Variants in CCBE1 observed in about 807,000 individuals in gnomAD.
CCBE1 encodes collagen and calcium binding EGF domains 1.
A neutral mutation model predicts 50.0 loss-of-function variants in CCBE1; 37 were observed. The ratio of observed to expected loss-of-function variants is 0.74; its 90% CI spans 0.57 to 0.97. The LOEUF (loss-of-function observed/expected upper bound fraction) is 0.97. Ranked by LOEUF, CCBE1 falls within the 50% of genes least tolerant of loss-of-function variation. The pLI, the probability that CCBE1 is intolerant of heterozygous loss-of-function variation, is 0.00. For missense variants in CCBE1, 538 were observed against 523.8 expected, an observed-to-expected ratio of 1.03 and a Z score of -0.26; for synonymous variants, 234 against 203.7, an observed-to-expected ratio of 1.15 and a Z score of -1.27.
intron 2 of CCBE1, among the ~76,000 whole-genome samples, chr18:59,560,200 G>T (rs1013760125): frequency 2.6e-5 from 4 of 152,224 alleles, no homozygotes; most frequent in African/African-American, 9.6e-5. Context: ...AAGTGGATGT[G>T]CATGTAACCA....
intron 2 of CCBE1, among the ~76,000 whole-genome samples, chr18:59,608,085 A>C (rs1388336523): frequency 6.6e-6 from 1 of 152,148 alleles, no homozygotes; most frequent in East Asian, 1.9e-4. Flanking sequence ...GTGCCACTGC[A>C]CTCCAGCTTG....
chr18:59,587,340 A>G (rs1317086382), intron 2 of CCBE1, among the ~76,000 whole-genome samples: 1 of 152,228 alleles, frequency 6.6e-6, no homozygotes, highest in Non-Finnish European at 1.5e-5. Flanking sequence ...GTAACACTGA[A>G]AACAATAAAA....
In CCBE1 at chr18:59,508,711, C is replaced by CTTTTTTTTTTTTTTT. The variant is rs55881131; in HGVS notation, c.213-28488_213-28474dup. On this transcript the variant is annotated intron_variant, in intron 2 of 10. Transcript: ENST00000439986. Reference sequence around the variant, plus strand: ...AGCACAGTACACACATAGAGTTACGCTTTTTTTTTTTTTTTTTTTTTTGAG... The same window carrying CTTTTTTTTTTTTTTT: ...AGCACAGTACACACATAGAGTTACGCTTTTTTTTTTTTTTTTTTTTTTTTTTTTTTTTTTTTTGAG... Among the ~76,000 whole-genome samples, 5 of 95,682 alleles carry CTTTTTTTTTTTTTTT rather than the reference C, an allele frequency of 5.2e-5. 1 individual carries two copies. Among genetic ancestry groups the CTTTTTTTTTTTTTTT allele is most frequent in the African/African-American group, 1.8e-4 (4 of 22,050 alleles). 62.8% of individuals were successfully genotyped at this position (95,682 alleles called of 152,430 possible).
intron 2 of CCBE1, among the ~76,000 whole-genome samples, chr18:59,484,256 G>C (rs193273698): frequency 1.3e-5 from 2 of 152,298 alleles, no homozygotes; most frequent in Admixed American, 6.5e-5. Flanking sequence ...AAGTGTACTA[G>C]ATGATTTGAA....
intron 2 of CCBE1, among the ~76,000 whole-genome samples, chr18:59,557,501 C>T (rs1044401677): frequency 1.1e-4 from 17 of 152,166 alleles, no homozygotes; most frequent in Admixed American, 2.6e-4. Flanking sequence ...AGGGGCTACT[C>T]CCTTTGCAAT....
chr18:59,460,038 A>G (rs1343771870), intron 5 of CCBE1, among the ~76,000 whole-genome samples: 2 of 152,220 alleles, frequency 1.3e-5, no homozygotes. Context: ...GCTAATTACT[A>G]TTGGAGCCAA....
chr18:59,517,022 T>C (rs1433586731), intron 2 of CCBE1, among the ~76,000 whole-genome samples: 1 of 152,208 alleles, frequency 6.6e-6, no homozygotes, highest in Non-Finnish European at 1.5e-5. Context: ...CACTTCTTCT[T>C]CCTTGCAGTT....
At chr18:59,646,337 G>A (rs1266023468) in intron 2 of CCBE1, among the ~76,000 whole-genome samples, 1 of 152,208 alleles carries the variant, frequency 6.6e-6, no homozygotes, top group African/African-American at 2.4e-5. Flanking sequence ...GGACTAGATT[G>A]TCCTGAGAGG....
In CCBE1 at chr18:59,436,016, AG is replaced by A; in HGVS notation, c.1112del (p.Pro371LeufsTer28). ...THSSAEEFPL[P>X]QEFPSYPEAM... ...CTTCTGGGTAGCTGGGAAATTCCTG[AG>A]GTAAAGGGAACTCCTCTGCTGAAGA... On this transcript the variant is annotated frameshift_variant, in exon 11 of 11. Transcript: ENST00000439986. LOFTEE classifies it high-confidence loss of function. 1 of 1,614,072 alleles carries A rather than the reference AG, an allele frequency of 6.2e-7. No individual in the cohort carries two copies.
chr18:59,474,006 A>G (rs958123641), intron 3 of CCBE1, among the ~76,000 whole-genome samples: 10 of 151,966 alleles, frequency 6.6e-5, no homozygotes, highest in Non-Finnish European at 1.5e-4. Flanking sequence ...TTCTCTTCCT[A>G]TGTTAGTTTG....
intron 7 of CCBE1, among the ~76,000 whole-genome samples, chr18:59,440,295 T>C (rs1005423891): frequency 6.6e-6 from 1 of 152,184 alleles, no homozygotes; most frequent in African/African-American, 2.4e-5. Flanking sequence ...ATCTGAGCTT[T>C]AGTTTCTCAT....
chr18:59,511,697 AG>A (rs1914139366), intron 2 of CCBE1, among the ~76,000 whole-genome samples: 1 of 152,206 alleles, frequency 6.6e-6, no homozygotes, highest in African/African-American at 2.4e-5. Context: ...GTCAAACATT[AG>A]GTCTTATTTC....
chr18:59,510,369 T>A (rs1304679264), intron 2 of CCBE1, among the ~76,000 whole-genome samples: 7 of 152,210 alleles, frequency 4.6e-5, no homozygotes, highest in Admixed American at 3.3e-4. Context: ...ACATTATCAA[T>A]TGTAAGATGC....
intron 2 of CCBE1, among the ~76,000 whole-genome samples, chr18:59,494,778 T>C (rs780018835): frequency 9.8e-5 from 15 of 152,290 alleles, no homozygotes; most frequent in South Asian, 2.1e-4. Context: ...TTTTAGGCTA[T>C]AGGCAGCTCC....
intron 3 of CCBE1, among the ~76,000 whole-genome samples, chr18:59,473,652 C>T (rs191284022): frequency 7.3e-5 from 11 of 149,924 alleles, no homozygotes; most frequent in African/African-American, 2.7e-4. Flanking sequence ...ACCTTCCAAC[C>T]CTCCCACTAT....
chr18:59,595,016 G>T (rs922812119), intron 2 of CCBE1, among the ~76,000 whole-genome samples: 1 of 151,530 alleles, frequency 6.6e-6, no homozygotes, highest in Non-Finnish European at 1.5e-5. Flanking sequence ...AGAGGCTAAG[G>T]CAGGAGAATC....
chr18:59,524,899 A>G (rs962482092), intron 2 of CCBE1, among the ~76,000 whole-genome samples: 4 of 152,168 alleles, frequency 2.6e-5, no homozygotes, highest in Non-Finnish European at 5.9e-5. Flanking sequence ...TTCCAGCTCC[A>G]TCCATGTCCC....
At chr18:59,594,432 G>C (rs553028172) in intron 2 of CCBE1, among the ~76,000 whole-genome samples, 48 of 152,352 alleles carry the variant, frequency 3.2e-4, no homozygotes, top group South Asian at 6.2e-4. Context: ...TGGGTACAGA[G>C]TTTCCGTTGG....
intron 6 of CCBE1, among the ~76,000 whole-genome samples, chr18:59,454,135 T>C (rs771949309): frequency 6.6e-6 from 1 of 152,208 alleles, no homozygotes; most frequent in African/African-American, 2.4e-5. Context: ...ATAGAGACAA[T>C]ATTCTCTATA....
Sources: gnomAD v4.1 joint callset for allele counts (sites outside exome capture counted in the v4.1 genomes callset) on GRCh38, gnomAD v4.1.1 for gene constraint, MANE v1.5 for transcripts, NCBI Gene and HGNC (gene_info 2026-07-23, HGNC 2026-07-21) for gene names.